CROCC2: variants seen among roughly 807,000 people sequenced by gnomAD.
CROCC2 encodes the protein ciliary rootlet coiled-coil, rootletin family member 2.
In CROCC2, 163 loss-of-function variants were observed where a neutral mutation model predicts 177.6. The observed-to-expected ratio is 0.92, with a 90% CI of 0.81 to 1.05. The LOEUF (loss-of-function observed/expected upper bound fraction) is 1.05, where lower values mean the gene tolerates loss of function less well. CROCC2 is among the 50% of genes least tolerant of loss of function. The pLI is 0.00. For missense variants in CROCC2, 1,929 were observed against 1,797.8 expected (o/e 1.07, Z -1.32); for synonymous variants, 904 against 787.3 (o/e 1.15, Z -2.48).
rs1412710481 is a variant in CROCC2, at chr2:240,917,798, C to A, written c.79-928C>A. Reference sequence around the variant, plus strand: ...CAGGCCGGGGACAGCTGTGGCCTTGCGTATTCCTGCGGGATCCTGCCTGGG... The same window carrying A: ...CAGGCCGGGGACAGCTGTGGCCTTGAGTATTCCTGCGGGATCCTGCCTGGG... On this transcript the variant is annotated intron_variant, in intron 1 of 31. Coordinates refer to ENST00000690015, the MANE Select transcript of CROCC2 (RefSeq NM_001351305.2). The surrounding 1 kb of genome is among the most constrained non-coding windows in gnomAD (Gnocchi z 4.9). Among the ~76,000 whole-genome samples, 4 of 152,208 alleles carry A rather than the reference C, an allele frequency of 2.6e-5. No individual in the cohort carries two copies. The highest frequency in any genetic ancestry group is 2.1e-4 in the South Asian group (1 of 4,832).
intron 19 of CROCC2, chr2:240,957,346 AG>A (rs2059597753): frequency 6.6e-6 from 1 of 152,332 alleles, no homozygotes; most frequent in African/African-American, 2.4e-5. Flanking sequence ...GCAAGGACGC[AG>A]GGTTGGACAC....
intron 7 of CROCC2, among the ~76,000 whole-genome samples, chr2:240,931,348 G>A (rs1354750355): frequency 6.6e-6 from 1 of 152,226 alleles, no homozygotes; most frequent in Non-Finnish European, 1.5e-5. Context: ...CTCCTACAGT[G>A]AGGGTTTCAG....
chr2:240,990,840 C>A (rs1203022015), intron 30 of CROCC2, among the ~76,000 whole-genome samples: 1 of 152,178 alleles, frequency 6.6e-6, no homozygotes, highest in Non-Finnish European at 1.5e-5. Flanking sequence ...TGCCCAAGGC[C>A]CACCTCGGCC....
At position 240,918,377 on chromosome 2, in the gene CROCC2, A is replaced by T. The variant is rs774268192; in HGVS notation, c.79-349A>T. ...GTTGGGTTTCTTGTGGAGCAGAGGC[A>T]AAGGAACCTGCCTGTCAGCATCCCC... On this transcript the variant is annotated intron_variant, in intron 1 of 31. Coordinates refer to ENST00000690015, the MANE Select transcript of CROCC2 (RefSeq NM_001351305.2). The surrounding 1 kb of genome is among the most constrained non-coding windows in gnomAD (Gnocchi z 6.3). Among the ~76,000 whole-genome samples, 4 of 152,198 alleles carry T rather than the reference A, an allele frequency of 2.6e-5. No homozygotes were observed. Among genetic ancestry groups the T allele is most frequent in the Non-Finnish European group, 5.9e-5 (4 of 68,024 alleles).
At chr2:240,907,756 C>T (rs2059265831) in intron 1 of CROCC2, among the ~76,000 whole-genome samples, 1 of 148,888 alleles carries the variant, frequency 6.7e-6, no homozygotes, top group African/African-American at 2.5e-5. Context: ...GTGACCTCTA[C>T]CTCCTCCACC....
At chr2:240,990,264 T>C (rs1332535818) in intron 30 of CROCC2, among the ~76,000 whole-genome samples, 7 of 152,164 alleles carry the variant, frequency 4.6e-5, no homozygotes, top group Non-Finnish European at 7.3e-5. Flanking sequence ...GTGGCATCTG[T>C]GGGGATGAGG....
At chr2:240,991,821 G>A (rs1034998829) in intron 31 of CROCC2, among the ~76,000 whole-genome samples, 12 of 152,346 alleles carry the variant, frequency 7.9e-5, no homozygotes, top group African/African-American at 2.9e-4. Context: ...TGTAAACACG[G>A]GAAAACACGT....
chr2:240,923,226 C>A (rs1460220346), intron 4 of CROCC2, among the ~76,000 whole-genome samples: 1 of 151,768 alleles, frequency 6.6e-6, no homozygotes. Flanking sequence ...AGAGACAGAG[C>A]CTCATGAATG....
At position 240,935,077 on chromosome 2, in the gene CROCC2, A is replaced by C; in HGVS notation, c.1938+15A>C. ...TGGCTCTCCAGGTGAGACAAGGGCC[A>C]GTGGGGCGGGCCTCGCTGGAACCTG... On this transcript the variant is annotated intron_variant, in intron 13 of 31. Coordinates refer to ENST00000690015, the MANE Select transcript of CROCC2 (RefSeq NM_001351305.2). 1 of 1,341,900 alleles carries C rather than the reference A, an allele frequency of 7.5e-7. No individual in the cohort carries two copies. 83.1% of individuals were successfully genotyped at this position (1,341,900 alleles called of 1,614,324 possible).
At position 240,934,443 on chromosome 2, in the gene CROCC2, G is replaced by C. The variant is rs570134598; in HGVS notation, c.1759G>C (p.Glu587Gln). ...AQLQRDVVES[E>Q]REGLRSALAR... ...GCTGCAGCGGGATGTCGTGGAGAGTGAGAGGGAGGGACTGCGCAGCGCCCT... is the reference window on the plus strand; with the variant it reads ...GCTGCAGCGGGATGTCGTGGAGAGTCAGAGGGAGGGACTGCGCAGCGCCCT... The change falls in exon 12 of 32, where the codon GAG (glutamate) becomes CAG (glutamine). Residue 587 changes from glutamate to glutamine, a missense_variant. Coordinates refer to ENST00000690015, the MANE Select transcript of CROCC2 (RefSeq NM_001351305.2). The C allele has an allele frequency of 3.0e-5, 46 of 1,548,320 alleles. No homozygotes were observed. The highest frequency in any genetic ancestry group is 3.9e-5 in the Non-Finnish European group (45 of 1,146,836).
Position 240,955,958 on chromosome 2 carries a change from C to G in CROCC2, c.2929C>G (p.Gln977Glu), listed in dbSNP as rs1206855670. The change falls in exon 19 of 32, where the codon CAG becomes GAG. Residue 977 changes from glutamine (Q) to glutamate (E), a missense_variant. Around this residue, in one of 3 missense-constraint regions of CROCC2, gnomAD observed 1,397 missense variants for 1,239.9 expected, o/e 1.13. Transcript: ENST00000690015. ...GGTACAGCAGGAGGCACAGAGCCAG[C>G]AGGAGCAAGCGCAGGTGAGCCCCAT... is the stretch of plus-strand genomic sequence containing the variant. The part of the protein sequence containing the change: ...ERVQQEAQSQ[Q>E]EQAQATISAT... The G allele has an allele frequency of 2.6e-6, 4 of 1,534,446 alleles. No homozygotes were observed. The highest frequency in any genetic ancestry group is 3.5e-6 in the Non-Finnish European group (4 of 1,146,782).
chr2:240,992,879 G>C (rs548033847), intron 31 of CROCC2, among the ~76,000 whole-genome samples, 187 bp from the exon 32 acceptor site: 3 of 152,356 alleles, frequency 2.0e-5, no homozygotes, highest in East Asian at 3.9e-4. Context: ...TCATAGAGGG[G>C]GCCTCCCGCT....
Position 240,966,404 on chromosome 2 carries a change from G to A in CROCC2, c.4141G>A (p.Glu1381Lys), listed in dbSNP as rs2059685022. ...FVQKLREAQRERDDSRIQMAT... is the reference protein window; with the variant it reads ...FVQKLREAQRKRDDSRIQMAT... ...GCAGAAGCTCCGGGAAGCCCAGCGG[G>A]AGCGGGTAATGGGGGCTGGGGTCCT... Residue 1381 changes from glutamate (E) to lysine (K), a missense_variant, in exon 25 of 32, where the codon GAG becomes AAG. Around this residue, in one of 3 missense-constraint regions of CROCC2, gnomAD observed 388 missense variants for 352.7 expected, o/e 1.10. Coordinates refer to ENST00000690015, the MANE Select transcript of CROCC2 (RefSeq NM_001351305.2). The A allele has an allele frequency of 5.0e-6, 2 of 401,156 alleles. No homozygotes were observed. The highest frequency in any genetic ancestry group is 4.4e-5 in the Admixed American group (1 of 22,738). 24.8% of individuals were successfully genotyped at this position (401,156 alleles called of 1,614,324 possible).
At chr2:240,950,940 C>T (rs897439401) in intron 18 of CROCC2, 10 of 172,166 alleles carry the variant, frequency 5.8e-5, no homozygotes, top group Non-Finnish European at 2.5e-5. Flanking sequence ...TTTACCTGCT[C>T]ATCCATCCAT....
chr2:240,981,585 G>T (rs2059800449), intron 27 of CROCC2: 2 of 152,240 alleles, frequency 1.3e-5, no homozygotes, highest in South Asian at 4.1e-4. Flanking sequence ...TCTTAAAACT[G>T]CCATGAAATA....
intron 1 of CROCC2, among the ~76,000 whole-genome samples, chr2:240,913,859 G>A (rs191515026): frequency 6.6e-6 from 1 of 152,250 alleles, no homozygotes; most frequent in Non-Finnish European, 1.5e-5. Flanking sequence ...CCCTCTCTGC[G>A]GCGGGCCGGG....
intron 27 of CROCC2, chr2:240,981,777 G>C (rs749695011): frequency 6.6e-6 from 1 of 151,646 alleles, no homozygotes. Context: ...TTCAGAATCC[G>C]GCCACCCCAG....
At chr2:240,971,370 C>T (rs1167921588) in intron 27 of CROCC2, among the ~76,000 whole-genome samples, 7 of 152,202 alleles carry the variant, frequency 4.6e-5, no homozygotes, top group Admixed American at 4.6e-4. Context: ...ATGTTACCAG[C>T]TTTGGTGAAC....
intron 1 of CROCC2, among the ~76,000 whole-genome samples, chr2:240,916,565 C>T (rs1177892453): frequency 6.7e-6 from 1 of 149,948 alleles, no homozygotes; most frequent in East Asian, 2.0e-4. Context: ...GCGCCCCCCT[C>T]CGGCTCCAGC....
Sources: allele counts gnomAD v4.1 joint callset (sites outside exome capture counted in the v4.1 genomes callset), GRCh38; gene constraint gnomAD v4.1.1; regional missense constraint gnomAD v4.1.1; non-coding constraint Gnocchi (gnomAD v3.1); transcripts MANE v1.5; gene names NCBI Gene and HGNC (gene_info 2026-07-23, HGNC 2026-07-21).